APC: variants seen among roughly 807,000 people sequenced by gnomAD.
APC encodes the protein APC regulator of Wnt signaling pathway.
In APC, 72 loss-of-function variants were observed where a neutral mutation model predicts 247.0. That is an observed-to-expected ratio of 0.29 (90% CI 0.24 to 0.35). APC has a LOEUF of 0.35. APC is among the 10% of genes least tolerant of loss of function. The pLI, the probability that APC is intolerant of heterozygous loss-of-function variation, is 1.00. For missense variants in APC, 3,400 were observed against 3,360.7 expected (o/e 1.01, Z -0.29); for synonymous variants, 1,254 against 1,162.5 (o/e 1.08, Z -1.60).
At chr5:112,754,100 T>C (rs1179327859) in intron 1 of APC, among the ~76,000 whole-genome samples, 1 of 152,222 alleles carries the variant, frequency 6.6e-6, no homozygotes, top group Non-Finnish European at 1.5e-5. Flanking sequence ...CATTTCTCTT[T>C]GACAGTCTCT....
At position 112,842,310 on chromosome 5, in the gene APC, GCTC is replaced by G. The variant is rs1766283239; in HGVS notation, c.6720_6722del (p.Ser2242del). On this transcript the variant is annotated inframe_deletion, in exon 16 of 16. Coordinates refer to ENST00000257430, the MANE Select transcript of APC (RefSeq NM_000038.6). ...ATTCATATTCCAGGAGTTCGAAATA[GCTC>G]CTCAAGTACAAGTCCTGTTTCTAAA... is the stretch of plus-strand genomic sequence containing the variant. 1.9e-6 allele frequency: 3 copies of G among 1,613,740 alleles called. No homozygotes were observed. Among genetic ancestry groups the G allele is most frequent in the Non-Finnish European group, 2.5e-6 (3 of 1,179,760 alleles).
At chr5:112,749,336 T>A (rs1483606160) in intron 1 of APC, among the ~76,000 whole-genome samples, 1 of 152,204 alleles carries the variant, frequency 6.6e-6, no homozygotes, top group African/African-American at 2.4e-5. Context: ...ATTTGCTATT[T>A]TTCCATCCTT....
upstream of APC, among the ~76,000 whole-genome samples, chr5:112,736,135 C>T (rs1412955810): frequency 3.3e-5 from 5 of 152,108 alleles, no homozygotes; most frequent in Non-Finnish European, 7.4e-5. Flanking sequence ...GTAAATAAGT[C>T]CTGTGCAGTG....
rs1030285956 is a variant in APC at position 112,838,722 on chromosome 5, C to T, written c.3128C>T (p.Pro1043Leu). ...DEQLNSGRQS[P>L]SQNERWARPK... ...CAGTTGAACTCTGGAAGGCAAAGTC[C>T]TTCACAGAATGAAAGATGGGCAAGA... Residue 1043 changes from proline (P) to leucine (L), a missense_variant, in exon 16 of 16, where the codon CCT becomes CTT. This residue lies in a region of APC where 715 missense variants were observed against 656.6 expected (regional missense o/e 1.09). Coordinates refer to ENST00000257430, the MANE Select transcript of APC (RefSeq NM_000038.6). 2 of 1,613,982 alleles carry T rather than the reference C, an allele frequency of 1.2e-6. No individual in the cohort carries two copies. The highest frequency in any genetic ancestry group is 1.7e-6 in the Non-Finnish European group (2 of 1,180,014).
rs554976891 is a variant in APC, at chr5:112,708,797, C to T, written c.165+915C>T. 8.9e-4 allele frequency among the ~76,000 whole-genome samples: 136 copies of T among 152,288 alleles called. No homozygotes were observed. Among genetic ancestry groups the T allele is most frequent in the Admixed American group, 1.9e-3 (29 of 15,304 alleles). ...CGATTGTTGTTACTGTTCAACCCTCCTTAGGAGTACTTGATATTTTCTATA... is the reference window on the plus strand; with the variant it reads ...CGATTGTTGTTACTGTTCAACCCTCTTTAGGAGTACTTGATATTTTCTATA... On this transcript the variant is annotated intron_variant, in intron 1 of 13. Transcript: ENST00000507379.
intron 12 of APC, 117 bp downstream of exon 12, chr5:112,827,364 A>AT: frequency 2.6e-6 from 3 of 1,173,268 alleles, no homozygotes; most frequent in Non-Finnish European, 3.7e-6. Flanking sequence ...ACAATGACTG[A>AT]TAAAAACCTG....
chr5:112,796,444 A>G (rs1210456160), intron 7 of APC, among the ~76,000 whole-genome samples: 1 of 152,196 alleles, frequency 6.6e-6, no homozygotes. Context: ...CTGAATCTGA[A>G]ATATGTAGAA....
intron 7 of APC, among the ~76,000 whole-genome samples, chr5:112,798,753 G>A (rs1680353535): frequency 6.6e-6 from 1 of 152,078 alleles, no homozygotes; most frequent in Admixed American, 6.6e-5. Context: ...AAAGTAATTA[G>A]GAAAGAGGAG....
chr5:112,830,533 A>G (rs775527382), intron 14 of APC, among the ~76,000 whole-genome samples: 4 of 152,190 alleles, frequency 2.6e-5, no homozygotes, highest in African/African-American at 9.7e-5. Context: ...ATATGACCCA[A>G]CCATTCCACT....
At chr5:112,823,930 T>G (rs761906007) in intron 11 of APC, among the ~76,000 whole-genome samples, 9 of 152,190 alleles carry the variant, frequency 5.9e-5, no homozygotes, top group Non-Finnish European at 1.0e-4. Flanking sequence ...CCTGGCTGAT[T>G]CTTATGTTCG....
At position 112,844,729 on chromosome 5, in the gene APC, TAC is replaced by T. The variant is rs1193509215; in HGVS notation, c.*605_*606del. 1.7e-5 allele frequency: 4 copies of T among 232,046 alleles called. No individual in the cohort carries two copies. The highest frequency in any genetic ancestry group is 2.6e-5 in the Non-Finnish European group (3 of 117,176). The allele number at this position is 232,046 out of a possible 1,614,324, so 14.4% of individuals were successfully genotyped here. The stretch of plus-strand genomic sequence containing the variant: ...GTCACATGATGTGCATAGAGATAGC[TAC>T]AGTGTAATAATTTACACTATTTTGT... On this transcript the variant is annotated 3_prime_UTR_variant, in exon 16 of 16. Coordinates refer to ENST00000257430, the MANE Select transcript of APC (RefSeq NM_000038.6).
At chr5:112,820,518 G>T (rs1763011422) in intron 10 of APC, among the ~76,000 whole-genome samples, 2 of 152,082 alleles carry the variant, frequency 1.3e-5, no homozygotes, top group Non-Finnish European at 2.9e-5. Context: ...AGAAAAAAGG[G>T]ATTGCCTTTC....
At chr5:112,799,732 A>T (rs1348553904) in intron 7 of APC, among the ~76,000 whole-genome samples, 2 of 152,076 alleles carry the variant, frequency 1.3e-5, no homozygotes, top group African/African-American at 2.4e-5. Flanking sequence ...TAAAATTTAA[A>T]TTTTTTTATC....
rs991454694 is a variant in APC at position 112,815,415 on chromosome 5, A to G, written c.835-80A>G. On this transcript the variant is annotated intron_variant, in intron 8 of 15. Coordinates refer to ENST00000257430, the MANE Select transcript of APC (RefSeq NM_000038.6). ...TAATTGTTTATCATACAGACACTTCATTTGGAGTACCTTAACATGATGTTA... is the reference window on the plus strand; with the variant it reads ...TAATTGTTTATCATACAGACACTTCGTTTGGAGTACCTTAACATGATGTTA... 3.0e-6 allele frequency: 3 copies of G among 1,000,738 alleles called. No individual in the cohort carries two copies. The African/African-American group carries it at 4.8e-5, about 16-fold the overall frequency. The allele number at this position is 1,000,738 out of a possible 1,614,324, so 62.0% of individuals were successfully genotyped here.
At chr5:112,773,944 G>A (rs1204073569) in intron 4 of APC, among the ~76,000 whole-genome samples, 2 of 152,094 alleles carry the variant, frequency 1.3e-5, no homozygotes, top group Admixed American at 6.5e-5. Flanking sequence ...AAAGCAAAAA[G>A]TTGAATTAAA....
intron 6 of APC, among the ~76,000 whole-genome samples, chr5:112,789,817 A>C (rs1032220100): frequency 4.6e-5 from 7 of 152,106 alleles, no homozygotes; most frequent in African/African-American, 1.7e-4. Context: ...TGGTTTTCAT[A>C]CTGTGAATTG....
At chr5:112,817,396 A>T (rs969264610) in intron 9 of APC, among the ~76,000 whole-genome samples, 1 of 152,154 alleles carries the variant, frequency 6.6e-6, no homozygotes, top group African/African-American at 2.4e-5. Context: ...TATGAGGCTT[A>T]ATCCTGTTTA....
Position 112,842,197 on chromosome 5 carries a change from A to C in APC, c.6603A>C (p.Gly2201=), listed in dbSNP as rs754492028. Residue 2201 remains glycine, a synonymous_variant, in exon 16 of 16, where the codon GGA becomes GGC. Transcript: ENST00000257430. ...AAGTTTATAAAAGTTTGATTACTGG[A>C]AAAGTTCGATCTAATTCAGAAATTT... ...GKKVYKSLIT[G]KVRSNSEISG... 6.2e-7 allele frequency: 1 copy of C among 1,613,374 alleles called. No homozygotes were observed. The highest frequency in any genetic ancestry group is 1.1e-5 in the South Asian group (1 of 91,032).
At chr5:112,735,500 C>T (rs987461085), upstream of APC, among the ~76,000 whole-genome samples, 14 of 146,648 alleles carry the variant, frequency 9.5e-5, no homozygotes, top group Admixed American at 5.5e-4. Context: ...TTAATGCATA[C>T]ATATATATAT....
Sources: allele counts gnomAD v4.1 joint callset (sites outside exome capture counted in the v4.1 genomes callset), GRCh38; gene constraint gnomAD v4.1.1; regional missense constraint gnomAD v4.1.1; transcripts MANE v1.5; gene names NCBI Gene and HGNC (gene_info 2026-07-23, HGNC 2026-07-21).